FAM13C: variants seen among roughly 807,000 people sequenced by gnomAD.
FAM13C encodes the protein family with sequence similarity 13 member C, also known as protein FAM13C.
In FAM13C, 37 loss-of-function variants were observed where a neutral mutation model predicts 73.2. The ratio of observed to expected loss-of-function variants is 0.51; its 90% CI spans 0.39 to 0.67. FAM13C has a LOEUF of 0.67. FAM13C is among the 30% of genes least tolerant of loss of function. The pLI, the probability that FAM13C is intolerant of heterozygous loss-of-function variation, is 0.00. For synonymous variants in FAM13C, 246 were observed against 260.9 expected, an observed-to-expected ratio of 0.94 and a Z score of 0.55; for missense variants, 589 against 715.6, an observed-to-expected ratio of 0.82 and a Z score of 2.02.
intron 10 of FAM13C, among the ~76,000 whole-genome samples, chr10:59,255,232 C>A (rs1564479141): frequency 6.6e-6 from 1 of 152,240 alleles, no homozygotes; most frequent in Middle Eastern, 3.4e-3. Flanking sequence ...CATTTAACTT[C>A]TCTGAATCCT....
At chr10:59,289,697 G>A (rs1845999439) in intron 5 of FAM13C, among the ~76,000 whole-genome samples, 1 of 152,174 alleles carries the variant, frequency 6.6e-6, no homozygotes, top group Non-Finnish European at 1.5e-5. Flanking sequence ...CCCAGGGAGT[G>A]AGTGACTAAC....
In FAM13C at chr10:59,361,209, C is replaced by T. The variant is rs1856371445; in HGVS notation, c.62+1190G>A. 6 of 821,426 alleles carry T rather than the reference C, an allele frequency of 7.3e-6. No individual in the cohort carries two copies. In the South Asian group the frequency reaches 8.4e-5, roughly 11 times the overall value. 50.9% of individuals were successfully genotyped at this position (821,426 alleles called of 1,614,324 possible). A position where few individuals can be genotyped will look rare whatever the true frequency, so the allele number is the denominator to read the frequency against. On this transcript the variant is annotated intron_variant, in intron 1 of 13. Transcript: ENST00000618804. ...TTACATTGCTTCTTCTAAAGTCAAT[C>T]CTGTTTTTTTTTTTAAGTGACTCCA...
chr10:59,296,522 T>C (rs1846944972), intron 5 of FAM13C, among the ~76,000 whole-genome samples: 1 of 152,192 alleles, frequency 6.6e-6, no homozygotes, highest in African/African-American at 2.4e-5. Flanking sequence ...ATCTCTTTTA[T>C]ACCAAGCTAA....
At chr10:59,311,737 GGT>G (rs974626951) in intron 4 of FAM13C, among the ~76,000 whole-genome samples, 1 of 151,988 alleles carries the variant, frequency 6.6e-6, no homozygotes, top group East Asian at 1.9e-4. Context: ...GAGAAGGTGG[GGT>G]GTGTGTGTGT....
At position 59,277,312 on chromosome 10, in the gene FAM13C, T is replaced by A. The variant is rs139781684; in HGVS notation, c.592+6051A>T. Among the ~76,000 whole-genome samples, 1,137 of 152,328 alleles carry A rather than the reference T, an allele frequency of 7.5e-3. 16 individuals carry two copies. Among genetic ancestry groups the A allele is most frequent in the Middle Eastern group, 6.8e-3 (2 of 294 alleles). On this transcript the variant is annotated intron_variant, in intron 6 of 13. Coordinates refer to ENST00000618804, the MANE Select transcript of FAM13C (RefSeq NM_198215.4). Reference sequence around the variant, plus strand: ...TGGAAAACAATCCCACAGGCATAATTATTTCATATTTATTTTATAAAATGC... The same window carrying A: ...TGGAAAACAATCCCACAGGCATAATAATTTCATATTTATTTTATAAAATGC...
At chr10:59,343,514 A>G (rs974420152) in intron 3 of FAM13C, among the ~76,000 whole-genome samples, 4 of 152,180 alleles carry the variant, frequency 2.6e-5, no homozygotes, top group Non-Finnish European at 5.9e-5. Flanking sequence ...CCCCCTTAGG[A>G]CATACTATAG....
intron 5 of FAM13C, among the ~76,000 whole-genome samples, chr10:59,288,931 T>C (rs936577130): frequency 5.3e-5 from 8 of 152,108 alleles, no homozygotes; most frequent in African/African-American, 1.9e-4. Flanking sequence ...ATGGGGTCCA[T>C]GAAGAGATAC....
intron 2 of FAM13C, among the ~76,000 whole-genome samples, chr10:59,353,446 A>C (rs983396644): frequency 1.3e-5 from 2 of 152,168 alleles, no homozygotes; most frequent in African/African-American, 4.8e-5. Context: ...ATGCATGAGA[A>C]GTGGCCGCTT....
chr10:59,267,824 G>A (rs547496106), intron 8 of FAM13C, among the ~76,000 whole-genome samples: 28 of 152,078 alleles, frequency 1.8e-4, no homozygotes, highest in Admixed American at 7.2e-4. Context: ...GCTCTCTGCC[G>A]AAGACCCAAT....
chr10:59,359,378 T>C (rs556538562), intron 1 of FAM13C, among the ~76,000 whole-genome samples: 61 of 152,308 alleles, frequency 4.0e-4, no homozygotes, highest in East Asian at 3.1e-3. Flanking sequence ...GTGAAAGAAA[T>C]ACCCACAAGA....
intron 4 of FAM13C, among the ~76,000 whole-genome samples, chr10:59,308,537 A>C (rs1589549154): frequency 3.5e-5 from 5 of 142,966 alleles, no homozygotes; most frequent in East Asian, 2.0e-4. Flanking sequence ...CCCCATCATC[A>C]CCCCCACCAC....
intron 3 of FAM13C, among the ~76,000 whole-genome samples, chr10:59,334,408 G>C (rs1589661045): frequency 6.6e-6 from 1 of 152,184 alleles, no homozygotes; most frequent in South Asian, 2.1e-4. Flanking sequence ...AACTTACTGG[G>C]TATATACCCA....
chr10:59,353,039 T>C (rs1300923064), intron 2 of FAM13C, among the ~76,000 whole-genome samples: 2 of 152,348 alleles, frequency 1.3e-5, no homozygotes, highest in Non-Finnish European at 2.9e-5. Context: ...GGATCTATTT[T>C]GATAGGCATG....
At chr10:59,329,333 T>C (rs1851617314) in intron 3 of FAM13C, among the ~76,000 whole-genome samples, 1 of 147,544 alleles carries the variant, frequency 6.8e-6, no homozygotes, top group African/African-American at 2.5e-5. Context: ...CTTTTTTTCT[T>C]TCTTTCTGGT....
chr10:59,268,470 AC>A, intron 8 of FAM13C, 82 bp downstream of exon 8: 1 of 1,560,032 alleles, frequency 6.4e-7, no homozygotes, highest in Non-Finnish European at 8.7e-7. Context: ...AAAGAAGGGC[AC>A]CCAGAAAGGA....
At chr10:59,257,822 T>A (rs773974161) in intron 10 of FAM13C, among the ~76,000 whole-genome samples, 14 of 152,178 alleles carry the variant, frequency 9.2e-5, no homozygotes, top group Admixed American at 1.3e-4. Context: ...AGACATGAGT[T>A]CAGATAACCA....
intron 4 of FAM13C, among the ~76,000 whole-genome samples, chr10:59,303,416 TTA>T (rs1212693694): frequency 2.0e-5 from 3 of 152,238 alleles, no homozygotes; most frequent in Non-Finnish European, 2.9e-5. Flanking sequence ...GAGGTATTGA[TTA>T]TGTTTATTTT....
At chr10:59,337,667 C>CTTTTTTTTTTTTTTT (rs3078327) in intron 3 of FAM13C, among the ~76,000 whole-genome samples, 8 of 70,996 alleles carry the variant, frequency 1.1e-4, no homozygotes, top group African/African-American at 2.6e-4. Flanking sequence ...TTTTCTTTTT[C>CTTTTTTTTTTTTTTT]TTTTTTTTTT....
chr10:59,331,108 G>T (rs114238851), intron 3 of FAM13C, among the ~76,000 whole-genome samples: 2,114 of 152,276 alleles, frequency 0.014, 50 homozygotes, highest in African/African-American at 0.049. Context: ...CCCTCAGGGA[G>T]CTCACAGTCA....
Sources: gnomAD v4.1 joint callset for allele counts (sites outside exome capture counted in the v4.1 genomes callset) on GRCh38, gnomAD v4.1.1 for gene constraint, MANE v1.5 for transcripts, NCBI Gene and HGNC (gene_info 2026-07-23, HGNC 2026-07-21) for gene names.